Variants in CNTN4 observed in about 807,000 individuals in gnomAD.
CNTN4 encodes contactin-4.
In CNTN4, 77 loss-of-function variants were observed where a neutral mutation model predicts 122.5. The ratio of observed to expected loss-of-function variants is 0.63; its 90% CI spans 0.52 to 0.76. CNTN4 has a LOEUF of 0.76. Among genes scored for constraint, CNTN4 ranks in the 30% least tolerant of loss-of-function variants. CNTN4 has a pLI of 0.00. For missense variants in CNTN4, 1,256 were observed against 1,259.1 expected (o/e 1.00, Z 0.04); for synonymous variants, 512 against 447.0 (o/e 1.15, Z -1.83).
chr3:2,432,330 G>A (rs571394030), intron 3 of CNTN4, among the ~76,000 whole-genome samples: 1 of 152,194 alleles, frequency 6.6e-6, no homozygotes, highest in South Asian at 2.1e-4. Context: ...AAGCAAACAT[G>A]GTCCTTACTC....
chr3:2,256,345 C>T (rs2040590971), intron 2 of CNTN4, among the ~76,000 whole-genome samples: 1 of 152,102 alleles, frequency 6.6e-6, no homozygotes. Context: ...GATTTACAGC[C>T]GAATTCTACC....
intron 4 of CNTN4, among the ~76,000 whole-genome samples, chr3:2,725,089 A>G (rs191368228): frequency 2.0e-3 from 301 of 152,368 alleles, no homozygotes; most frequent in South Asian, 3.7e-3. Context: ...GAGCATGGAT[A>G]ATGGGAGACA....
chr3:2,290,508 G>C (rs987004810), intron 2 of CNTN4, among the ~76,000 whole-genome samples: 3 of 152,144 alleles, frequency 2.0e-5, no homozygotes, highest in African/African-American at 7.2e-5. Flanking sequence ...AGCAAGAAAG[G>C]CTGGATAAAA....
At chr3:3,020,195 T>G (rs1698161853) in intron 14 of CNTN4, among the ~76,000 whole-genome samples, 1 of 152,144 alleles carries the variant, frequency 6.6e-6, no homozygotes, top group Admixed American at 6.6e-5. Context: ...CTTATTTTCA[T>G]CAGTCTCCCA....
At chr3:2,489,665 T>C (rs921623121) in intron 3 of CNTN4, among the ~76,000 whole-genome samples, 6 of 152,238 alleles carry the variant, frequency 3.9e-5, no homozygotes, top group Admixed American at 1.3e-4. Context: ...CTGTCACTCA[T>C]AGAAATGCCT....
At chr3:2,400,839 A>T (rs1190360586) in intron 3 of CNTN4, among the ~76,000 whole-genome samples, 2 of 151,374 alleles carry the variant, frequency 1.3e-5, no homozygotes, top group Non-Finnish European at 2.9e-5. Context: ...CCAACTTTCA[A>T]TTTCTAAATT....
intron 6 of CNTN4, among the ~76,000 whole-genome samples, chr3:2,761,014 C>G (rs2090566921): frequency 6.6e-6 from 1 of 152,138 alleles, no homozygotes; most frequent in African/African-American, 2.4e-5. Context: ...GTTAAATAAG[C>G]AAGAGGACCA....
In CNTN4 at chr3:2,694,070, A is replaced by G. The variant is rs528773135; in HGVS notation, c.56-42145A>G. On this transcript the variant is annotated intron_variant, in intron 4 of 24. Transcript: ENST00000418658. ...TTATATTAAACTCTCCAGTCCTCAT[A>G]CTTTCCTGCTAGGATGCCTTTGCCC... is the stretch of plus-strand genomic sequence containing the variant. Among the ~76,000 whole-genome samples the G allele has an allele frequency of 6.6e-5, 10 of 152,122 alleles. No individual in the cohort carries two copies. The South Asian group carries it at 2.1e-3, about 32-fold the overall frequency.
intron 4 of CNTN4, among the ~76,000 whole-genome samples, chr3:2,687,477 A>G (rs1039951242): frequency 6.6e-6 from 1 of 152,120 alleles, no homozygotes. Context: ...CCTGGGCAAC[A>G]TGGTAAGACT....
intron 4 of CNTN4, among the ~76,000 whole-genome samples, chr3:2,730,940 G>A (rs2088630954): frequency 6.6e-6 from 1 of 151,762 alleles, no homozygotes; most frequent in African/African-American, 2.4e-5. Flanking sequence ...AGAGATCATT[G>A]ATGTTCCAAT....
intron 12 of CNTN4, among the ~76,000 whole-genome samples, chr3:2,907,619 A>G (rs995377925): frequency 6.6e-6 from 1 of 152,140 alleles, no homozygotes; most frequent in African/African-American, 2.4e-5. Flanking sequence ...GAAAGAAAAA[A>G]TATATATGTT....
At chr3:2,646,228 C>G (rs1231636801) in intron 4 of CNTN4, among the ~76,000 whole-genome samples, 1 of 152,158 alleles carries the variant, frequency 6.6e-6, no homozygotes, top group African/African-American at 2.4e-5. Flanking sequence ...GACATGGTAT[C>G]TGGTCTGTAA....
intron 4 of CNTN4, among the ~76,000 whole-genome samples, chr3:2,664,130 G>T (rs1469831662): frequency 6.6e-6 from 1 of 152,068 alleles, no homozygotes; most frequent in Non-Finnish European, 1.5e-5. Context: ...TAAAACTATT[G>T]AATTATAGAC....
intron 3 of CNTN4, among the ~76,000 whole-genome samples, chr3:2,352,556 C>G (rs1270676945): frequency 6.6e-6 from 1 of 152,182 alleles, no homozygotes; most frequent in Admixed American, 6.5e-5. Flanking sequence ...GGAGGGGATG[C>G]CAGGTTCCCC....
chr3:2,748,908 T>C lies in CNTN4; in HGVS notation c.358+3211T>C, dbSNP rs1484096364. On this transcript the variant is annotated intron_variant, in intron 6 of 24. Coordinates refer to ENST00000418658, the MANE Select transcript of CNTN4 (RefSeq NM_175607.3). ...TGGTCTCATTTTAATTTCTCAAAAA[T>C]GACAAACTATTTTTTGCAACAGGAT... is the stretch of plus-strand genomic sequence containing the variant. Among the ~76,000 whole-genome samples the C allele has an allele frequency of 2.6e-5, 4 of 152,218 alleles. No individual in the cohort carries two copies. The East Asian group carries it at 7.7e-4, about 29-fold the overall frequency.
intron 6 of CNTN4, among the ~76,000 whole-genome samples, chr3:2,798,232 C>T (rs1559514538): frequency 6.6e-6 from 1 of 151,400 alleles, no homozygotes; most frequent in African/African-American, 2.4e-5. Context: ...GATGTTGCTA[C>T]AAAAGACAAG....
At chr3:2,582,711 T>C (rs986453038) in intron 4 of CNTN4, among the ~76,000 whole-genome samples, 2 of 152,158 alleles carry the variant, frequency 1.3e-5, no homozygotes, top group East Asian at 3.9e-4. Context: ...ATCTTGAAGA[T>C]GCAGGATAGG....
chr3:2,285,557 G>T (rs1351913970), intron 2 of CNTN4, among the ~76,000 whole-genome samples: 1 of 151,840 alleles, frequency 6.6e-6, no homozygotes, highest in African/African-American at 2.4e-5. Flanking sequence ...GCTACAAAGG[G>T]GAGATAACAA....
intron 3 of CNTN4, among the ~76,000 whole-genome samples, chr3:2,461,241 T>C (rs73806606): frequency 0.018 from 2,684 of 152,300 alleles, 80 homozygotes; most frequent in African/African-American, 0.061. Context: ...CAGATATGTG[T>C]ATTTTTAAAT....
Sources: allele counts gnomAD v4.1 joint callset (sites outside exome capture counted in the v4.1 genomes callset), GRCh38; gene constraint gnomAD v4.1.1; transcripts MANE v1.5; gene names NCBI Gene and HGNC (gene_info 2026-07-23, HGNC 2026-07-21).